SPATA9: variants seen among roughly 807,000 people sequenced by gnomAD.
The protein encoded by SPATA9 is spermatogenesis-associated protein 9.
Under a neutral mutation model 25.5 loss-of-function variants are expected in SPATA9, and 27 were observed. That is an observed-to-expected ratio of 1.06 (90% confidence interval 0.78 to 1.46). The LOEUF (loss-of-function observed/expected upper bound fraction) is 1.46. Ranked by LOEUF, SPATA9 falls within the 40% of genes most tolerant of loss-of-function variation. The pLI, the probability that SPATA9 is intolerant of heterozygous loss-of-function variation, is 0.00. For synonymous variants in SPATA9, 102 were observed against 105.7 expected, an observed-to-expected ratio of 0.97 and a Z score of 0.21; for missense variants, 282 against 297.5, an observed-to-expected ratio of 0.95 and a Z score of 0.38.
At chr5:95,702,712 CA>C (rs889662702), upstream of SPATA9, among the ~76,000 whole-genome samples, 9 of 150,888 alleles carry the variant, frequency 6.0e-5, no homozygotes, top group East Asian at 3.9e-4. Flanking sequence ...CCCATCCCTA[CA>C]AAAAAAAAGT....
chr5:95,674,514 C>T (rs1752729758), intron 3 of SPATA9, among the ~76,000 whole-genome samples: 1 of 152,148 alleles, frequency 6.6e-6, no homozygotes, highest in African/African-American at 2.4e-5. Flanking sequence ...GGGGTTTTCT[C>T]CCTCTTTTTT....
At chr5:95,719,461 G>A in the SPATA9 span, among the ~76,000 whole-genome samples, 38 of 152,266 alleles carry the variant, frequency 2.5e-4, no homozygotes, top group Non-Finnish European at 5.1e-4. Context: ...GGATATCAGG[G>A]AATGGGGCAA....
In SPATA9 at chr5:95,672,564, A is replaced by G. The variant is rs188658280; in HGVS notation, c.378+2848T>C. Among the ~76,000 whole-genome samples the G allele has an allele frequency of 3.3e-5, 5 of 149,754 alleles. No individual in the cohort carries two copies. The East Asian group carries it at 7.7e-4, about 23-fold the overall frequency. ...ATAAGTGAGATGCAATATAGATCAC[A>G]TAAGATAATTAGAATAAGGGCAAAG... On this transcript the variant is annotated intron_variant, in intron 3 of 4. Coordinates refer to ENST00000274432, the MANE Select transcript of SPATA9 (RefSeq NM_031952.4).
chr5:95,718,838 G>A, the SPATA9 span, among the ~76,000 whole-genome samples: 1 of 152,142 alleles, frequency 6.6e-6, no homozygotes, highest in Non-Finnish European at 1.5e-5. Flanking sequence ...TAGCAGAGAG[G>A]GAGAAAGCAG....
Position 95,666,431 on chromosome 5 carries a change from A to G in SPATA9, c.379-2383T>C, listed in dbSNP as rs769275587. ...TCTAAGCTTTGTTTCCCTCATCTCC[A>G]AATTGAGAATAATAGCTAATGTTTA... On this transcript the variant is annotated intron_variant, in intron 3 of 4. Transcript: ENST00000274432. Among the ~76,000 whole-genome samples, 47 of 152,210 alleles carry G rather than the reference A, an allele frequency of 3.1e-4. 1 individual carries two copies. The highest frequency in any genetic ancestry group is 5.9e-5 in the Non-Finnish European group (4 of 68,030).
intron 1 of SPATA9, among the ~76,000 whole-genome samples, chr5:95,696,058 T>C (rs971033899): frequency 1.3e-5 from 2 of 152,162 alleles, no homozygotes; most frequent in African/African-American, 2.4e-5. Context: ...GTCCTGTCAA[T>C]AGCCATATAG....
the SPATA9 span, among the ~76,000 whole-genome samples, chr5:95,718,423 T>C: frequency 6.6e-6 from 1 of 152,210 alleles, no homozygotes; most frequent in African/African-American, 2.4e-5. Context: ...AGAACGGATG[T>C]GGCTACATGC....
chr5:95,674,407 GC>G (rs959873062), intron 3 of SPATA9, among the ~76,000 whole-genome samples: 2 of 152,136 alleles, frequency 1.3e-5, no homozygotes, highest in African/African-American at 4.8e-5. Flanking sequence ...CAAGTTCTAG[GC>G]CAATCAGTGC....
the SPATA9 span, among the ~76,000 whole-genome samples, chr5:95,706,963 T>C: frequency 6.6e-6 from 1 of 152,196 alleles, no homozygotes; most frequent in African/African-American, 2.4e-5. Context: ...GTTACTTGTA[T>C]AACATAACAG....
chr5:95,728,842 G>A, the SPATA9 span, among the ~76,000 whole-genome samples: 19 of 152,108 alleles, frequency 1.2e-4, no homozygotes, highest in Non-Finnish European at 2.2e-4. Context: ...TAAAGAAGCC[G>A]GCCAAAACCC....
At chr5:95,677,863 T>G (rs1330124926) in intron 2 of SPATA9, among the ~76,000 whole-genome samples, 2 of 152,236 alleles carry the variant, frequency 1.3e-5, no homozygotes, top group Non-Finnish European at 2.9e-5. Flanking sequence ...AATGAGCATC[T>G]AAATTAAAAT....
chr5:95,705,123 A>G, the SPATA9 span, among the ~76,000 whole-genome samples: 1 of 151,550 alleles, frequency 6.6e-6, no homozygotes, highest in East Asian at 1.9e-4. Flanking sequence ...TTATTTATTT[A>G]TTTATTTTTA....
At chr5:95,714,247 G>T in the SPATA9 span, among the ~76,000 whole-genome samples, 1,912 of 152,140 alleles carry the variant, frequency 0.013, 31 homozygotes, top group African/African-American at 0.042. Context: ...AGTAATATGG[G>T]ATCTGATAAT....
chr5:95,652,227 T>C (rs1228642628), downstream of SPATA9: 3 of 1,539,852 alleles, frequency 1.9e-6, no homozygotes, highest in South Asian at 1.2e-5. Context: ...TTGGACACTC[T>C]ACTGATCTTG....
At chr5:95,720,345 TA>T in the SPATA9 span, among the ~76,000 whole-genome samples, 1 of 152,208 alleles carries the variant, frequency 6.6e-6, no homozygotes, top group African/African-American at 2.4e-5. Context: ...CTTCCTGCAA[TA>T]AAAATATTTG....
chr5:95,730,835 A>G, the SPATA9 span: 1 of 450,930 alleles, frequency 2.2e-6, no homozygotes, highest in South Asian at 1.6e-5. Flanking sequence ...ATTTTTTCTC[A>G]CAAGTATGAT....
At chr5:95,719,614 T>C in the SPATA9 span, 1 of 152,222 alleles carries the variant, frequency 6.6e-6, no homozygotes, top group African/African-American at 2.4e-5. Context: ...GTAAAAAACA[T>C]ATATACATTA....
the SPATA9 span, among the ~76,000 whole-genome samples, chr5:95,726,784 G>C: frequency 6.6e-6 from 1 of 152,082 alleles, no homozygotes; most frequent in African/African-American, 2.4e-5. Flanking sequence ...AACAGAAACT[G>C]CAACATGTGG....
chr5:95,691,387 T>C (rs1271557712), intron 1 of SPATA9, among the ~76,000 whole-genome samples: 1 of 152,224 alleles, frequency 6.6e-6, no homozygotes, highest in Non-Finnish European at 1.5e-5. Context: ...TATATGTTTA[T>C]ATATAAACAC....
Sources: gnomAD v4.1 joint callset for allele counts (sites outside exome capture counted in the v4.1 genomes callset) on GRCh38, gnomAD v4.1.1 for gene constraint, MANE v1.5 for transcripts, NCBI Gene and HGNC (gene_info 2026-07-23, HGNC 2026-07-21) for gene names.